The following MYRIP variants were observed in gnomAD, a reference collection of about 807,000 sequenced individuals.
The protein encoded by MYRIP is rab effector MyRIP.
A neutral mutation model predicts 98.0 loss-of-function variants in MYRIP; 49 were observed. The observed-to-expected ratio is 0.50, with a 90% CI of 0.40 to 0.63. The LOEUF (loss-of-function observed/expected upper bound fraction) is 0.63, where lower values mean the gene tolerates loss of function less well. Among genes scored for constraint, MYRIP ranks in the 30% least tolerant of loss-of-function variants. MYRIP has a pLI of 0.00. For missense variants in MYRIP, 1,004 were observed against 1,058.2 expected (o/e 0.95, Z 0.71); for synonymous variants, 404 against 409.5 (o/e 0.99, Z 0.16).
chr3:40,098,921 G>A (rs190733747), intron 3 of MYRIP, among the ~76,000 whole-genome samples: 207 of 146,858 alleles, frequency 1.4e-3, no homozygotes, highest in Non-Finnish European at 2.0e-3. Context: ...ATGTGTGTGC[G>A]TGTGTGTGTG....
At chr3:40,227,411 T>C (rs933275908) in intron 11 of MYRIP, among the ~76,000 whole-genome samples, 68 of 152,272 alleles carry the variant, frequency 4.5e-4, no homozygotes, top group African/African-American at 1.5e-3. Flanking sequence ...TCTCTCCCTC[T>C]ATGTGTGTGT....
chr3:40,167,052 G>A lies in MYRIP; in HGVS notation c.649-107G>A, dbSNP rs148677799. The A allele has an allele frequency of 7.1e-3, 9,835 of 1,382,226 alleles. 39 individuals are homozygous for A. The highest frequency in any genetic ancestry group is 0.025 in the Middle Eastern group (139 of 5,616). The allele number at this position is 1,382,226 out of a possible 1,614,324, so 85.6% of individuals were successfully genotyped here. A position where few individuals can be genotyped will look rare whatever the true frequency, so the allele number is the denominator to read the frequency against. On this transcript the variant is annotated intron_variant, in intron 6 of 16. Transcript: ENST00000302541. Reference sequence around the variant, plus strand: ...ATCAATGTCCCAGCAGCTCTGACTAGAGCAAGGCCCTCCCTCTGCTTTTGT... The same window carrying A: ...ATCAATGTCCCAGCAGCTCTGACTAAAGCAAGGCCCTCCCTCTGCTTTTGT...
chr3:40,107,937 A>G (rs1240794147), intron 3 of MYRIP, among the ~76,000 whole-genome samples: 2 of 152,224 alleles, frequency 1.3e-5, no homozygotes, highest in Non-Finnish European at 2.9e-5. Flanking sequence ...ATTGGGAGTC[A>G]TCTTTCTAAA....
At chr3:40,214,436 AG>A (rs1202454267) in intron 11 of MYRIP, among the ~76,000 whole-genome samples, 1 of 152,052 alleles carries the variant, frequency 6.6e-6, no homozygotes, top group Non-Finnish European at 1.5e-5. Flanking sequence ...CAGCAGCAGA[AG>A]AACCATTTTA....
chr3:40,123,291 A>G (rs1048775148), intron 3 of MYRIP, among the ~76,000 whole-genome samples: 1 of 152,216 alleles, frequency 6.6e-6, no homozygotes, highest in Non-Finnish European at 1.5e-5. Flanking sequence ...TCACCCTGGC[A>G]TTTTGTGGAA....
chr3:39,900,088 C>T (rs141672170), intron 1 of MYRIP, among the ~76,000 whole-genome samples: 26 of 152,080 alleles, frequency 1.7e-4, no homozygotes, highest in African/African-American at 6.0e-4. Flanking sequence ...CCCAAAGTGC[C>T]GGGATTACAG....
intron 1 of MYRIP, among the ~76,000 whole-genome samples, chr3:39,892,479 T>C (rs1490639755): frequency 1.3e-5 from 2 of 152,192 alleles, no homozygotes; most frequent in Non-Finnish European, 2.9e-5. Context: ...GAGAAGATAA[T>C]CTTACATAAG....
intron 1 of MYRIP, among the ~76,000 whole-genome samples, chr3:39,831,562 A>C (rs1941446147): frequency 6.6e-6 from 1 of 152,138 alleles, no homozygotes; most frequent in South Asian, 2.1e-4. Context: ...TTTAATACTT[A>C]TTTTTGAAAT....
intron 3 of MYRIP, among the ~76,000 whole-genome samples, chr3:40,056,747 TTTAA>T (rs1305829014): frequency 1.3e-5 from 2 of 148,226 alleles, no homozygotes; most frequent in African/African-American, 5.0e-5. Context: ...GGAGCTTTAG[TTTAA>T]TAGATGGAAT....
intron 11 of MYRIP, among the ~76,000 whole-genome samples, chr3:40,218,609 A>ATATTTTT (rs1434916839): frequency 7.8e-6 from 1 of 127,424 alleles, no homozygotes; most frequent in Non-Finnish European, 1.6e-5. Flanking sequence ...ATATATATAT[A>ATATTTTT]TTTTATATAT....
At chr3:40,018,498 A>G (rs1175038348) in intron 2 of MYRIP, among the ~76,000 whole-genome samples, 1 of 152,182 alleles carries the variant, frequency 6.6e-6, no homozygotes, top group Admixed American at 6.5e-5. Context: ...TCCCCTTATC[A>G]TATGGGTTAT....
chr3:39,966,804 C>T (rs554340690), intron 2 of MYRIP, among the ~76,000 whole-genome samples: 48 of 152,222 alleles, frequency 3.2e-4, no homozygotes, highest in Non-Finnish European at 5.4e-4. Context: ...CCACCTCACT[C>T]TCTCCCTCTA....
chr3:40,028,641 C>G (rs1266509216), intron 2 of MYRIP, among the ~76,000 whole-genome samples: 2 of 152,110 alleles, frequency 1.3e-5, no homozygotes, highest in Admixed American at 6.5e-5. Context: ...ATGAGCCCAG[C>G]TATGAACACT....
intron 10 of MYRIP, among the ~76,000 whole-genome samples, chr3:40,205,958 T>C (rs943315168): frequency 6.6e-6 from 1 of 152,152 alleles, no homozygotes; most frequent in Non-Finnish European, 1.5e-5. Flanking sequence ...CCTCTATTGT[T>C]GTCTTACTAG....
At chr3:40,051,404 C>T (rs1416192429) in intron 3 of MYRIP, among the ~76,000 whole-genome samples, 1 of 152,124 alleles carries the variant, frequency 6.6e-6, no homozygotes, top group East Asian at 1.9e-4. Flanking sequence ...TAGCTGTGTA[C>T]ATTTTTGGGG....
intron 4 of MYRIP, among the ~76,000 whole-genome samples, chr3:40,155,041 G>A (rs1219767500): frequency 7.9e-5 from 12 of 151,630 alleles, no homozygotes; most frequent in Admixed American, 5.9e-4. Flanking sequence ...TACACAATGT[G>A]CAGGTTAGTT....
intron 12 of MYRIP, among the ~76,000 whole-genome samples, chr3:40,241,371 A>C (rs1483290749): frequency 6.6e-6 from 1 of 152,178 alleles, no homozygotes; most frequent in Non-Finnish European, 1.5e-5. Flanking sequence ...AGCACTAAAG[A>C]GGATGTAGCA....
At position 39,927,421 on chromosome 3, in the gene MYRIP, C is replaced by A. The variant is rs116800389; in HGVS notation, c.110+26495C>A. ...CTTGTTCCTATTTTTAAGGGGAATGCGTCCAGCTTTTTTCTCTTCAGTTGA... is the reference window on the plus strand; with the variant it reads ...CTTGTTCCTATTTTTAAGGGGAATGAGTCCAGCTTTTTTCTCTTCAGTTGA... On this transcript the variant is annotated intron_variant, in intron 2 of 16. Transcript: ENST00000302541. Among the ~76,000 whole-genome samples, 1,517 of 151,912 alleles carry A rather than the reference C, an allele frequency of 1.0e-2. 17 individuals carry two copies. The highest frequency in any genetic ancestry group is 0.035 in the African/African-American group (1,435 of 41,484).
intron 1 of MYRIP, among the ~76,000 whole-genome samples, chr3:39,872,463 A>C (rs1942829068): frequency 6.6e-6 from 1 of 150,964 alleles, no homozygotes; most frequent in Admixed American, 6.6e-5. Flanking sequence ...CATTAGTTAT[A>C]TCTCCTAATG....
Sources: allele counts gnomAD v4.1 joint callset (sites outside exome capture counted in the v4.1 genomes callset), GRCh38; gene constraint gnomAD v4.1.1; transcripts MANE v1.5; gene names NCBI Gene and HGNC (gene_info 2026-07-23, HGNC 2026-07-21).